PKP4: variants seen among roughly 807,000 people sequenced by gnomAD.
PKP4 encodes the protein plakophilin-4.
Under a neutral mutation model 145.1 loss-of-function variants are expected in PKP4, and 90 were observed. The ratio of observed to expected loss-of-function variants is 0.62; its 90% CI spans 0.52 to 0.74. PKP4 has a LOEUF of 0.74. Among genes scored for constraint, PKP4 ranks in the 30% least tolerant of loss-of-function variants. The pLI is 0.00. For synonymous variants in PKP4, 563 were observed against 577.2 expected (o/e 0.98, Z 0.35); for missense variants, 1,340 against 1,482.7 (o/e 0.90, Z 1.58).
chr2:158,505,461 C>T (rs1361959064), intron 1 of PKP4, among the ~76,000 whole-genome samples: 1 of 152,152 alleles, frequency 6.6e-6, no homozygotes, highest in Non-Finnish European at 1.5e-5. Context: ...TTGTCCAGGG[C>T]TTCTCCGAGG....
chr2:158,662,200 AAG>A (rs937579723), intron 13 of PKP4: 1 of 152,534 alleles, frequency 6.6e-6, no homozygotes, highest in Non-Finnish European at 1.5e-5. Flanking sequence ...TGCCTGGGAG[AAG>A]AGAGAGGAAT....
intron 19 of PKP4, among the ~76,000 whole-genome samples, chr2:158,675,230 C>G (rs571843343): frequency 6.6e-6 from 1 of 151,992 alleles, no homozygotes; most frequent in Non-Finnish European, 1.5e-5. Context: ...GTCCAATCTG[C>G]GGCCCATGGG....
chr2:158,632,633 T>C (rs2053471437), intron 8 of PKP4: 1 of 152,152 alleles, frequency 6.6e-6, no homozygotes. Flanking sequence ...AGACTACTTT[T>C]TTTTTTTTAG....
chr2:158,668,520 A>G (rs2057306580), intron 16 of PKP4, among the ~76,000 whole-genome samples: 1 of 152,242 alleles, frequency 6.6e-6, no homozygotes. Context: ...TCACTCATTC[A>G]TAGGCAGAGT....
At chr2:158,642,197 T>C (rs2054351571) in intron 10 of PKP4, among the ~76,000 whole-genome samples, 1 of 152,176 alleles carries the variant, frequency 6.6e-6, no homozygotes, top group South Asian at 2.1e-4. Flanking sequence ...AAGTTTTCTC[T>C]ATTTTTAGTA....
Position 158,624,907 on chromosome 2 carries a change from A to G in PKP4, c.633A>G (p.Arg211=). 6.2e-7 allele frequency: 1 copy of G among 1,607,128 alleles called. No individual in the cohort carries two copies. The highest frequency in any genetic ancestry group is 2.2e-5 in the East Asian group (1 of 44,716). Reference sequence around the variant, plus strand: ...CAGTAGCCAATCGGGCCATGAGAAGAGTTAGTTCAGTTCCATCTAGAGCAC... The same window carrying G: ...CAGTAGCCAATCGGGCCATGAGAAGGGTTAGTTCAGTTCCATCTAGAGCAC... ...QPSVANRAMR[R]VSSVPSRAQS... The change falls in exon 7 of 22, where the codon AGA becomes AGG. Residue 211 remains arginine, a synonymous_variant. Transcript: ENST00000389759.
intron 17 of PKP4, among the ~76,000 whole-genome samples, chr2:158,670,325 C>T (rs1229325287): frequency 6.6e-6 from 1 of 152,140 alleles, no homozygotes; most frequent in East Asian, 1.9e-4. Context: ...TAGATGGTGC[C>T]TTTCAGCTGT....
In PKP4 at chr2:158,680,570, A is replaced by G; in HGVS notation, c.3472A>G (p.Thr1158Ala). The change falls in exon 22 of 22, where the codon ACA becomes GCA. Residue 1158 changes from threonine to alanine, a missense_variant. Thr to Ala is a moderately conservative substitution (Grantham distance 58, BLOSUM62 0). Coordinates refer to ENST00000389759, the MANE Select transcript of PKP4 (RefSeq NM_003628.6). ...CTTTCCAGCTTCTACTGATTACTCA[A>G]CACAGTATGGACTGAAATCGACCAC... ...VHFPASTDYS[T>A]QYGLKSTTNY... 1.2e-6 allele frequency: 2 copies of G among 1,614,134 alleles called. No individual in the cohort carries two copies. Among genetic ancestry groups the G allele is most frequent in the Non-Finnish European group, 1.7e-6 (2 of 1,179,978 alleles).
At chr2:158,534,155 ATGT>A (rs771724235) in intron 2 of PKP4, among the ~76,000 whole-genome samples, 2 of 152,124 alleles carry the variant, frequency 1.3e-5, no homozygotes, top group Non-Finnish European at 2.9e-5. Context: ...AAGATAGGTA[ATGT>A]TGTATTTGCT....
chr2:158,469,764 G>C (rs557395874), intron 1 of PKP4, among the ~76,000 whole-genome samples: 1 of 152,116 alleles, frequency 6.6e-6, no homozygotes, highest in Non-Finnish European at 1.5e-5. Flanking sequence ...TTTTAATATG[G>C]TGCTTTTAAG....
chr2:158,631,324 T>G (rs905999608), intron 7 of PKP4, among the ~76,000 whole-genome samples: 13 of 152,180 alleles, frequency 8.5e-5, no homozygotes, highest in South Asian at 2.1e-4. Context: ...TTTTAGTGTT[T>G]AGACTTAACA....
chr2:158,505,988 T>C (rs1366781209), intron 1 of PKP4, among the ~76,000 whole-genome samples: 1 of 152,192 alleles, frequency 6.6e-6, no homozygotes, highest in Non-Finnish European at 1.5e-5. Flanking sequence ...GTAAAAGATT[T>C]GTAAAATAAT....
In PKP4 at chr2:158,652,424, C is replaced by T. The variant is rs549356308; in HGVS notation, c.1910-5707C>T. On this transcript the variant is annotated intron_variant, in intron 11 of 21. Coordinates refer to ENST00000389759, the MANE Select transcript of PKP4 (RefSeq NM_003628.6). ...TGCCATAGCATCTTGGCATTACTCT[C>T]GTCCCAAGAAAAAGCCGCAGAAGTT... Among the ~76,000 whole-genome samples the T allele has an allele frequency of 7.2e-5, 11 of 152,244 alleles. No individual in the cohort carries two copies. The South Asian group carries it at 1.5e-3, about 20-fold the overall frequency.
chr2:158,528,873 C>G (rs1178036930), intron 1 of PKP4, among the ~76,000 whole-genome samples: 1 of 152,138 alleles, frequency 6.6e-6, no homozygotes, highest in Non-Finnish European at 1.5e-5. Context: ...AGCCCAGGTC[C>G]TGGCTTTCAG....
chr2:158,520,596 A>G (rs1026945741), intron 1 of PKP4, among the ~76,000 whole-genome samples: 3 of 152,234 alleles, frequency 2.0e-5, no homozygotes, highest in Admixed American at 6.5e-5. Context: ...ATGAAAGTAC[A>G]TAAAATATAC....
chr2:158,537,615 T>C (rs1473889855), intron 2 of PKP4, among the ~76,000 whole-genome samples: 16 of 152,178 alleles, frequency 1.1e-4, no homozygotes, highest in Admixed American at 1.0e-3. Context: ...CTAATAAGAA[T>C]CCAGGAGTCC....
chr2:158,510,519 A>C (rs747785583), intron 1 of PKP4, among the ~76,000 whole-genome samples: 1 of 152,220 alleles, frequency 6.6e-6, no homozygotes, highest in Non-Finnish European at 1.5e-5. Context: ...GAGTCATCGA[A>C]AAAAGGCAAT....
intron 1 of PKP4, among the ~76,000 whole-genome samples, chr2:158,502,527 A>G (rs930691393): frequency 1.3e-5 from 2 of 152,210 alleles, no homozygotes; most frequent in African/African-American, 4.8e-5. Flanking sequence ...CTTGTCTCCA[A>G]GTGAAGTGTC....
intron 4 of PKP4, among the ~76,000 whole-genome samples, chr2:158,608,099 G>A (rs942599168): frequency 6.6e-6 from 1 of 152,140 alleles, no homozygotes; most frequent in African/African-American, 2.4e-5. Flanking sequence ...TAAGGGGATA[G>A]ATACACTATT....
Sources: gnomAD v4.1 joint callset for allele counts (sites outside exome capture counted in the v4.1 genomes callset) on GRCh38, gnomAD v4.1.1 for gene constraint, MANE v1.5 for transcripts, NCBI Gene and HGNC (gene_info 2026-07-23, HGNC 2026-07-21) for gene names.